Variants in ZBTB46 observed in about 807,000 individuals in gnomAD.
ZBTB46 encodes zinc finger and BTB domain-containing protein 46.
A neutral mutation model predicts 44.1 loss-of-function variants in ZBTB46; 8 were observed. That is an observed-to-expected ratio of 0.18 (90% confidence interval 0.11 to 0.33). ZBTB46 has a LOEUF of 0.33. Among genes scored for constraint, ZBTB46 ranks in the 10% least tolerant of loss-of-function variants. The pLI, the probability that ZBTB46 is intolerant of heterozygous loss-of-function variation, is 1.00. For missense variants in ZBTB46, 651 were observed against 847.7 expected (o/e 0.77, Z 2.88); for synonymous variants, 409 against 382.3 (o/e 1.07, Z -0.81).
intron 1 of ZBTB46, among the ~76,000 whole-genome samples, chr20:63,802,954 G>A (rs759380904): frequency 5.3e-5 from 8 of 152,190 alleles, no homozygotes; most frequent in African/African-American, 1.4e-4. Context: ...TGTTGTTTAC[G>A]ACGTTCCCTT....
In ZBTB46 at chr20:63,803,045, A is replaced by G. The variant is rs1323021595; in HGVS notation, c.-33-12255T>C. On this transcript the variant is annotated intron_variant, in intron 1 of 4. Coordinates refer to ENST00000245663, the MANE Select transcript of ZBTB46 (RefSeq NM_001369741.1). This position sits in a 1 kb window ranked among gnomAD's most constrained non-coding sequence, Gnocchi z 4.0. Reference sequence around the variant, plus strand: ...AGAGCGCGATGCCACAGACGCCAACAGGAGGAAACACGTTTCTGGGCAGCT... The same window carrying G: ...AGAGCGCGATGCCACAGACGCCAACGGGAGGAAACACGTTTCTGGGCAGCT... Among the ~76,000 whole-genome samples the G allele has an allele frequency of 6.6e-6, 1 of 152,152 alleles. No individual in the cohort carries two copies. Among genetic ancestry groups the G allele is most frequent in the East Asian group, 1.9e-4 (1 of 5,174 alleles).
chr20:63,775,616 C>T (rs2145864463), intron 3 of ZBTB46, 62 bp downstream of exon 3: 3 of 1,506,558 alleles, frequency 2.0e-6, no homozygotes, highest in Middle Eastern at 2.4e-4. Context: ...TGGCCCGGGA[C>T]CTGCAACCCT....
chr20:63,791,495 CAAAAAAAAAAAA>C (rs59810640), intron 1 of ZBTB46, among the ~76,000 whole-genome samples: 1 of 61,230 alleles, frequency 1.6e-5, no homozygotes, highest in Non-Finnish European at 3.1e-5. Context: ...GACTCCATCT[CAAAAAAAAAAAA>C]AAAAAAAAAA....
At chr20:63,754,457 A>AT (rs113544131) in intron 3 of ZBTB46, among the ~76,000 whole-genome samples, 3,716 of 151,866 alleles carry the variant, frequency 0.024, 135 homozygotes, top group African/African-American at 0.085. Context: ...TTAAAACAGC[A>AT]TTTTTTTTCT....
chr20:63,755,834 A>G (rs557559362), intron 3 of ZBTB46, among the ~76,000 whole-genome samples: 20 of 152,254 alleles, frequency 1.3e-4, no homozygotes, highest in Non-Finnish European at 1.6e-4. Context: ...CAGGAATTAA[A>G]TAAAAAAGCA....
intron 1 of ZBTB46, among the ~76,000 whole-genome samples, chr20:63,802,827 A>G (rs1232556227): frequency 7.1e-6 from 1 of 140,684 alleles, no homozygotes; most frequent in Non-Finnish European, 1.5e-5. Context: ...GCACCCTCCC[A>G]GGAACCGCCG....
At chr20:63,828,715 G>A (rs987039754) in intron 1 of ZBTB46, among the ~76,000 whole-genome samples, 5 of 152,264 alleles carry the variant, frequency 3.3e-5, no homozygotes, top group Admixed American at 2.6e-4. Flanking sequence ...ATGGGAAGGG[G>A]CAAGGACTTC....
intron 3 of ZBTB46, among the ~76,000 whole-genome samples, chr20:63,763,358 G>C (rs1317177390): frequency 5.3e-5 from 8 of 152,066 alleles, no homozygotes; most frequent in Non-Finnish European, 8.8e-5. Context: ...AGAAATACCT[G>C]CAACTGGATA....
intron 4 of ZBTB46, among the ~76,000 whole-genome samples, chr20:63,748,341 G>T (rs563308105): frequency 6.6e-6 from 1 of 152,326 alleles, no homozygotes; most frequent in South Asian, 2.1e-4. Context: ...TGGCCTCAAG[G>T]CCTGAGGGAA....
intron 3 of ZBTB46, among the ~76,000 whole-genome samples, chr20:63,772,723 ACAC>A (rs2092385579): frequency 1.6e-4 from 1 of 6,374 alleles, no homozygotes; most frequent in East Asian, 4.6e-3. Flanking sequence ...TGTCTCAAAA[ACAC>A]ACACACACAC....
At chr20:63,810,900 A>C (rs2092713884) in intron 1 of ZBTB46, among the ~76,000 whole-genome samples, 1 of 152,246 alleles carries the variant, frequency 6.6e-6, no homozygotes, top group African/African-American at 2.4e-5. Flanking sequence ...CCTCACTCCT[A>C]CGAGGAGCTC....
chr20:63,782,628 C>T (rs1042257998), intron 2 of ZBTB46, among the ~76,000 whole-genome samples: 1 of 152,196 alleles, frequency 6.6e-6, no homozygotes, highest in Non-Finnish European at 1.5e-5. Context: ...GAGCCTGACA[C>T]CCAAACGCCC....
At chr20:63,777,151 T>C (rs2092433077) in intron 2 of ZBTB46, among the ~76,000 whole-genome samples, 1 of 150,464 alleles carries the variant, frequency 6.6e-6, no homozygotes, top group Admixed American at 6.7e-5. Flanking sequence ...ACGCCACGGT[T>C]CCAGCACACA....
At chr20:63,774,760 G>C (rs543576403) in intron 3 of ZBTB46, among the ~76,000 whole-genome samples, 1 of 147,648 alleles carries the variant, frequency 6.8e-6, no homozygotes, top group South Asian at 2.2e-4. Context: ...CTGGAGTGCA[G>C]TGGCGCGATC....
intron 1 of ZBTB46, among the ~76,000 whole-genome samples, chr20:63,798,796 A>G (rs555358324): frequency 6.7e-5 from 10 of 149,870 alleles, no homozygotes; most frequent in African/African-American, 2.4e-4. Flanking sequence ...GTGAGCCAAG[A>G]TGGTGCCACT....
intron 2 of ZBTB46, among the ~76,000 whole-genome samples, chr20:63,780,149 TA>T (rs914194405): frequency 2.0e-5 from 3 of 151,650 alleles, no homozygotes; most frequent in Non-Finnish European, 4.4e-5. Flanking sequence ...TGCGTGCTTG[TA>T]ATCTCAGCTA....
intron 3 of ZBTB46, among the ~76,000 whole-genome samples, chr20:63,774,388 G>A (rs2092402832): frequency 6.6e-6 from 1 of 152,230 alleles, no homozygotes; most frequent in South Asian, 2.1e-4. Flanking sequence ...CAGAGAAACA[G>A]ATATACTTCC....
In ZBTB46 at chr20:63,767,837, G is replaced by A; in HGVS notation, c.1222+7841C>T. Reference sequence around the variant, plus strand: ...GGCAAGTCCATCCAGGGCTGGGCAAGTCCATCCAGGCCTGGGCTGGAAGAA... The same window carrying A: ...GGCAAGTCCATCCAGGGCTGGGCAAATCCATCCAGGCCTGGGCTGGAAGAA... On this transcript the variant is annotated intron_variant, in intron 3 of 4. Transcript: ENST00000245663. This position sits in a 1 kb window ranked among gnomAD's most constrained non-coding sequence, Gnocchi z 5.0. The A allele has an allele frequency of 1.0e-6, 1 of 974,500 alleles. No individual in the cohort carries two copies. The allele number at this position is 974,500 out of a possible 1,614,324, so 60.4% of individuals were successfully genotyped here. A position where few individuals can be genotyped will look rare whatever the true frequency, so the allele number is the denominator to read the frequency against.
chr20:63,827,628 C>CAA (rs1176700985), intron 1 of ZBTB46, among the ~76,000 whole-genome samples: 5 of 129,862 alleles, frequency 3.9e-5, no homozygotes, highest in Non-Finnish European at 8.2e-5. Flanking sequence ...AAAAAAAAAA[C>CAA]AAAAAAAAAA....
Sources: allele counts gnomAD v4.1 joint callset (sites outside exome capture counted in the v4.1 genomes callset), GRCh38; gene constraint gnomAD v4.1.1; non-coding constraint Gnocchi (gnomAD v3.1); transcripts MANE v1.5; gene names NCBI Gene and HGNC (gene_info 2026-07-23, HGNC 2026-07-21).